Variants in KCNN2 observed in about 807,000 individuals in gnomAD.
KCNN2 encodes potassium calcium-activated channel subfamily N member 2.
KCNN2 carries 24 observed loss-of-function variants against 55.5 expected under a neutral mutation model. That is an observed-to-expected ratio of 0.43 (90% CI 0.31 to 0.61). The LOEUF is 0.61. Ranked by LOEUF, KCNN2 falls within the 20% of genes least tolerant of loss-of-function variation. The pLI, the probability that KCNN2 is intolerant of heterozygous loss-of-function variation, is 0.08. For missense variants in KCNN2, 754 were observed against 853.6 expected (o/e 0.88, Z 1.45); for synonymous variants, 431 against 336.1 (o/e 1.28, Z -3.09).
At chr5:114,445,182 G>C (rs1235772375) in intron 3 of KCNN2, among the ~76,000 whole-genome samples, 2 of 152,206 alleles carry the variant, frequency 1.3e-5, no homozygotes, top group African/African-American at 2.4e-5. Flanking sequence ...AGGAAGGGCA[G>C]CTGGCCTTCT....
At chr5:114,080,279 C>G (rs1232922029) in intron 1 of KCNN2, among the ~76,000 whole-genome samples, 1 of 152,138 alleles carries the variant, frequency 6.6e-6, no homozygotes, top group African/African-American at 2.4e-5. Context: ...ATTGCACATT[C>G]CTGTTCTGAT....
intron 1 of KCNN2, among the ~76,000 whole-genome samples, chr5:114,101,521 G>A (rs1038847581): frequency 6.6e-6 from 1 of 151,350 alleles, no homozygotes; most frequent in African/African-American, 2.4e-5. Flanking sequence ...TGCCATGGTG[G>A]TTTGCTGCAC....
chr5:114,256,920 A>G (rs1421851769), intron 2 of KCNN2, among the ~76,000 whole-genome samples: 1 of 152,100 alleles, frequency 6.6e-6, no homozygotes, highest in Admixed American at 6.6e-5. Flanking sequence ...AGAAGTCTTA[A>G]TAATGAATTC....
chr5:114,208,737 G>A lies in KCNN2; in HGVS notation c.-270-12743G>A, dbSNP rs569035204. ...GCATCTTGTTTGTGTGTTCAAAACC[G>A]TTCCACTTAATACGCTGCAGGGCAC... is the stretch of plus-strand genomic sequence containing the variant. On this transcript the variant is annotated intron_variant, in intron 1 of 10. Coordinates refer to the KCNN2 transcript ENST00000512097. Among the ~76,000 whole-genome samples the A allele has an allele frequency of 5.1e-4, 77 of 152,238 alleles. 1 individual carries two copies. Among genetic ancestry groups the A allele is most frequent in the Non-Finnish European group, 7.5e-4 (51 of 68,012 alleles).
chr5:114,083,093 TA>T (rs1359157941), intron 1 of KCNN2, among the ~76,000 whole-genome samples: 1 of 152,106 alleles, frequency 6.6e-6, no homozygotes. Context: ...AATATAAATC[TA>T]AAAAAATATT....
At chr5:114,404,404 A>G (rs1280602442) in intron 2 of KCNN2, 34 bp from the exon 3 acceptor site, 3 of 1,576,132 alleles carry the variant, frequency 1.9e-6, no homozygotes, top group East Asian at 2.2e-5. Context: ...CATTCATGCC[A>G]TACTGAAGCT....
chr5:114,067,251 G>A (rs1338432895), intron 1 of KCNN2, among the ~76,000 whole-genome samples: 2 of 152,176 alleles, frequency 1.3e-5, no homozygotes, highest in Non-Finnish European at 2.9e-5. Context: ...AATGCTTTGA[G>A]CTTCCCTTTT....
At chr5:114,493,603 A>G (rs1747968557) in intron 7 of KCNN2, 131 bp downstream of exon 7, 9 of 664,196 alleles carry the variant, frequency 1.4e-5, no homozygotes, top group Non-Finnish European at 2.5e-5. Flanking sequence ...AAAGCACCCT[A>G]AAATGATGGT....
chr5:114,097,343 A>G (rs1048663716), intron 1 of KCNN2, among the ~76,000 whole-genome samples: 3 of 152,164 alleles, frequency 2.0e-5, no homozygotes, highest in African/African-American at 4.8e-5. Context: ...AGCATTTAAA[A>G]GGATAAAGAC....
chr5:114,341,601 A>T (rs1757015833), intron 2 of KCNN2, among the ~76,000 whole-genome samples: 1 of 152,262 alleles, frequency 6.6e-6, no homozygotes, highest in Middle Eastern at 3.4e-3. Context: ...ATAAAAAAAA[A>T]GTCAGGATAT....
intron 1 of KCNN2, among the ~76,000 whole-genome samples, chr5:114,169,592 G>A (rs976398927): frequency 2.6e-5 from 4 of 152,186 alleles, no homozygotes; most frequent in East Asian, 1.9e-4. Context: ...CGACAGAGCC[G>A]TTATTATGTG....
intron 3 of KCNN2, among the ~76,000 whole-genome samples, chr5:114,462,285 A>T (rs1390180517): frequency 6.6e-6 from 1 of 152,186 alleles, no homozygotes; most frequent in African/African-American, 2.4e-5. Flanking sequence ...TTTCTTCCTT[A>T]CCAGTAAAAT....
chr5:114,451,948 C>T (rs1434244418), intron 3 of KCNN2, among the ~76,000 whole-genome samples: 1 of 151,210 alleles, frequency 6.6e-6, no homozygotes, highest in East Asian at 1.9e-4. Context: ...TAAAGCTGGG[C>T]TTTAGATGTA....
chr5:114,249,635 A>T (rs1312765892), intron 2 of KCNN2, among the ~76,000 whole-genome samples: 2 of 151,980 alleles, frequency 1.3e-5, no homozygotes, highest in Non-Finnish European at 2.9e-5. Flanking sequence ...ATTATGATAG[A>T]TTCAAATATA....
intron 1 of KCNN2, among the ~76,000 whole-genome samples, chr5:114,083,682 A>G (rs1319726251): frequency 1.3e-5 from 2 of 152,122 alleles, no homozygotes; most frequent in Non-Finnish European, 2.9e-5. Context: ...ACCAGTATTG[A>G]TACATATTGT....
At chr5:114,198,343 C>CATAG (rs1561519164) in intron 1 of KCNN2, among the ~76,000 whole-genome samples, 38 of 131,848 alleles carry the variant, frequency 2.9e-4, no homozygotes, top group African/African-American at 1.0e-3. Flanking sequence ...TATATATATA[C>CATAG]GTGTATATAT....
intron 1 of KCNN2, among the ~76,000 whole-genome samples, chr5:114,109,296 G>A (rs541495476): frequency 6.6e-6 from 1 of 152,224 alleles, no homozygotes; most frequent in South Asian, 2.1e-4. Flanking sequence ...GCAATGAAGA[G>A]AATCAGTCAT....
At chr5:114,470,564 G>C (rs1185779365) in intron 4 of KCNN2, among the ~76,000 whole-genome samples, 1 of 152,172 alleles carries the variant, frequency 6.6e-6, no homozygotes, top group African/African-American at 2.4e-5. Flanking sequence ...GTAGATGTTT[G>C]AAAGTCAGTA....
At chr5:114,168,849 A>T (rs943989804) in intron 1 of KCNN2, among the ~76,000 whole-genome samples, 1 of 152,086 alleles carries the variant, frequency 6.6e-6, no homozygotes, top group Non-Finnish European at 1.5e-5. Context: ...ATTCCCAAGG[A>T]AGGTGTTTCT....
Sources: allele counts gnomAD v4.1 joint callset (sites outside exome capture counted in the v4.1 genomes callset), GRCh38; gene constraint gnomAD v4.1.1; transcripts MANE v1.5; gene names NCBI Gene and HGNC (gene_info 2026-07-23, HGNC 2026-07-21).